Variants in TWIST2 observed in about 807,000 individuals in gnomAD.
TWIST2 encodes the protein twist family bHLH transcription factor 2.
In TWIST2, 1 loss-of-function variant was observed where a neutral mutation model predicts 11.6. The ratio of observed to expected loss-of-function variants is 0.09; its 90% confidence interval spans 0.03 to 0.41. TWIST2 has a LOEUF of 0.41. Among genes scored for constraint, TWIST2 ranks in the 10% least tolerant of loss-of-function variants. The pLI, the probability that TWIST2 is intolerant of heterozygous loss-of-function variation, is 0.98. For synonymous variants in TWIST2, 87 were observed against 96.6 expected (o/e 0.90, Z 0.58); for missense variants, 168 against 226.4 (o/e 0.74, Z 1.66).
In TWIST2 at chr2:238,866,668, A is replaced by AG. The variant is rs1692542045; in HGVS notation, c.*35+17936dup. On this transcript the variant is annotated intron_variant, in intron 1 of 1. Transcript: ENST00000612363. This position sits in a 1 kb window ranked among gnomAD's most constrained non-coding sequence, Gnocchi z 4.9. ...CGAGACTCCACCATGGAAAAAAAAA[A>AG]GAAAAGCACGGCGCCTTCATGTTCC... 6.6e-6 allele frequency among the ~76,000 whole-genome samples: 1 copy of AG among 151,870 alleles called. No homozygotes were observed. Among genetic ancestry groups the AG allele is most frequent in the African/African-American group, 2.4e-5 (1 of 41,346 alleles).
At chr2:238,892,992 G>T (rs927043307) in intron 1 of TWIST2, among the ~76,000 whole-genome samples, 1 of 152,168 alleles carries the variant, frequency 6.6e-6, no homozygotes, top group Non-Finnish European at 1.5e-5. Context: ...GAAGCAAAAG[G>T]CCTGTCCCTG....
chr2:238,868,927 T>A (rs1692595341), intron 1 of TWIST2, among the ~76,000 whole-genome samples: 1 of 152,254 alleles, frequency 6.6e-6, no homozygotes, highest in African/African-American at 2.4e-5. Context: ...TCGCATTTTC[T>A]AGAGAAAGGA....
chr2:238,907,485 C>T (rs1367310489), intron 1 of TWIST2, among the ~76,000 whole-genome samples: 1 of 152,122 alleles, frequency 6.6e-6, no homozygotes, highest in Non-Finnish European at 1.5e-5. Context: ...TTCCCCAAGG[C>T]GCTCCCGGGA....
intron 1 of TWIST2, among the ~76,000 whole-genome samples, chr2:238,859,129 T>C (rs748367540): frequency 5.9e-5 from 9 of 151,516 alleles, no homozygotes; most frequent in Non-Finnish European, 1.2e-4. Flanking sequence ...GGAGAATCGC[T>C]TGAACCTGGG....
chr2:238,909,354 G>A (rs1397911650), intron 1 of TWIST2, among the ~76,000 whole-genome samples: 2 of 152,068 alleles, frequency 1.3e-5, no homozygotes, highest in African/African-American at 4.8e-5. Context: ...GCCGTTGACA[G>A]CTCCCGCCAG....
At position 238,848,789 on chromosome 2, in the gene TWIST2, C is replaced by T. The variant is rs146835322; in HGVS notation, c.*35+56C>T. 5,012 of 1,287,628 alleles carry T rather than the reference C, an allele frequency of 3.9e-3. 16 individuals carry two copies. Among genetic ancestry groups the T allele is most frequent in the Middle Eastern group, 7.0e-3 (24 of 3,430 alleles). 79.8% of individuals were successfully genotyped at this position (1,287,628 alleles called of 1,614,324 possible). On this transcript the variant is annotated intron_variant, in intron 1 of 1. Coordinates refer to ENST00000612363, the MANE Select transcript of TWIST2 (RefSeq NM_001271893.4). ...CGCTGCGGGGGGCGGGCGGCAGGGGCGCAGGGGCATTGGGGCCTGCTCGTG... is the reference window on the plus strand; with the variant it reads ...CGCTGCGGGGGGCGGGCGGCAGGGGTGCAGGGGCATTGGGGCCTGCTCGTG...
At chr2:238,901,123 T>A (rs878920692) in intron 1 of TWIST2, among the ~76,000 whole-genome samples, 1 of 151,572 alleles carries the variant, frequency 6.6e-6, no homozygotes, top group Non-Finnish European at 1.5e-5. Flanking sequence ...ATTACAGGTG[T>A]GTGCCAACCA....
intron 1 of TWIST2, among the ~76,000 whole-genome samples, chr2:238,853,448 G>GGAGAGAGAGA (rs375821278): frequency 0.011 from 1,394 of 130,642 alleles, 16 homozygotes; most frequent in Non-Finnish European, 0.014. Flanking sequence ...AGGGAGAGAT[G>GGAGAGAGAGA]GAGAGAGAGA....
At chr2:238,861,538 TG>T (rs1422153577) in intron 1 of TWIST2, among the ~76,000 whole-genome samples, 1 of 152,094 alleles carries the variant, frequency 6.6e-6, no homozygotes, top group Non-Finnish European at 1.5e-5. Context: ...AGGCGCCCGG[TG>T]GGGGTAGTGT....
At chr2:238,870,466 CCG>C (rs1168989816) in intron 1 of TWIST2, among the ~76,000 whole-genome samples, 12 of 31,512 alleles carry the variant, frequency 3.8e-4, no homozygotes, top group East Asian at 1.4e-3. Context: ...CACCACACAC[CCG>C]ACACACGCCA....
intron 1 of TWIST2, among the ~76,000 whole-genome samples, chr2:238,899,644 C>T (rs1693245474): frequency 6.6e-6 from 1 of 152,200 alleles, no homozygotes; most frequent in African/African-American, 2.4e-5. Context: ...ATGCTCTCAC[C>T]GTCCCTCCTT....
chr2:238,885,058 C>G (rs1185421364), intron 1 of TWIST2, among the ~76,000 whole-genome samples: 2 of 152,198 alleles, frequency 1.3e-5, no homozygotes, highest in Non-Finnish European at 2.9e-5. Context: ...CAGCCCTGGT[C>G]CGTTAGGAGC....
rs1269882823 is a variant in TWIST2 at position 238,864,778 on chromosome 2, A to G, written c.*35+16045A>G. 2.0e-5 allele frequency among the ~76,000 whole-genome samples: 3 copies of G among 152,050 alleles called. No homozygotes were observed. The highest frequency in any genetic ancestry group is 2.9e-5 in the Non-Finnish European group (2 of 67,998). The stretch of plus-strand genomic sequence containing the variant: ...CACCAGGCCTGCACCCTACCCTGGG[A>G]AACACCTGTGGGGCTGTCCCCTTCT... On this transcript the variant is annotated intron_variant, in intron 1 of 1. Coordinates refer to ENST00000612363, the MANE Select transcript of TWIST2 (RefSeq NM_001271893.4). The surrounding 1 kb of genome is among the most constrained non-coding windows in gnomAD (Gnocchi z 4.7).
At chr2:238,872,970 C>T (rs938062436) in intron 1 of TWIST2, among the ~76,000 whole-genome samples, 5 of 152,160 alleles carry the variant, frequency 3.3e-5, no homozygotes, top group African/African-American at 1.2e-4. Context: ...ATCTGTCTCT[C>T]CTGTGGAGGA....
chr2:238,859,188 G>T (rs374797952), intron 1 of TWIST2, among the ~76,000 whole-genome samples: 5 of 144,558 alleles, frequency 3.5e-5, no homozygotes, highest in African/African-American at 1.3e-4. Flanking sequence ...CTCCAGCCTA[G>T]GCAACAAGAG....
rs1478480116 is a variant in TWIST2 at position 238,848,388 on chromosome 2, C to T, written c.173C>T (p.Ala58Val). ...CGCGGCAAGAAGGGCAGCCCCAGCG[C>T]GCAGTCCTTCGAGGAGCTGCAGAGC... ...GKRGKKGSPS[A>V]QSFEELQSQR... Residue 58 changes from alanine (A) to valine (V), a missense_variant, in exon 1 of 2, where the codon GCG becomes GTG. Physicochemically the swap from Ala to Val is moderately conservative, Grantham distance 64. Around this residue, in one of 3 missense-constraint regions of TWIST2, gnomAD observed 83 missense variants for 92.7 expected, o/e 0.90. Coordinates refer to ENST00000612363, the MANE Select transcript of TWIST2 (RefSeq NM_001271893.4). The T allele has an allele frequency of 2.0e-6, 3 of 1,535,426 alleles. No homozygotes were observed. Among genetic ancestry groups the T allele is most frequent in the East Asian group, 2.4e-5 (1 of 40,848 alleles).
At chr2:238,869,389 C>T (rs151001562) in intron 1 of TWIST2, among the ~76,000 whole-genome samples, 2,060 of 152,150 alleles carry the variant, frequency 0.014, 51 homozygotes, top group African/African-American at 0.046. Context: ...TCCTTTGTAT[C>T]GAAGAACACA....
At chr2:238,906,171 C>T (rs1007702476) in intron 1 of TWIST2, among the ~76,000 whole-genome samples, 3 of 152,002 alleles carry the variant, frequency 2.0e-5, no homozygotes, top group African/African-American at 7.3e-5. Context: ...AGGAGCGGAA[C>T]CACACGTCCC....
chr2:238,880,221 G>C (rs142151578), intron 1 of TWIST2, among the ~76,000 whole-genome samples: 10 of 150,632 alleles, frequency 6.6e-5, no homozygotes, highest in African/African-American at 2.5e-4. Flanking sequence ...ATTAGTATTA[G>C]TGTTAGTATT....
Sources: allele counts gnomAD v4.1 joint callset (sites outside exome capture counted in the v4.1 genomes callset), GRCh38; gene constraint gnomAD v4.1.1; regional missense constraint gnomAD v4.1.1; non-coding constraint Gnocchi (gnomAD v3.1); transcripts MANE v1.5; gene names NCBI Gene and HGNC (gene_info 2026-07-23, HGNC 2026-07-21).